ATXN2: variants seen among roughly 807,000 people sequenced by gnomAD.
ATXN2 encodes the protein ataxin-2.
A neutral mutation model predicts 138.6 loss-of-function variants in ATXN2; 37 were observed. The ratio of observed to expected loss-of-function variants is 0.27; its 90% CI spans 0.21 to 0.35. The LOEUF is 0.35. Among genes scored for constraint, ATXN2 ranks in the 10% least tolerant of loss-of-function variants. ATXN2 has a pLI of 1.00. For synonymous variants in ATXN2, 549 were observed against 543.7 expected (o/e 1.01, Z -0.13); for missense variants, 1,216 against 1,480.3 (o/e 0.82, Z 2.93).
At chr12:111,477,855 A>G (rs577027849) in intron 18 of ATXN2, among the ~76,000 whole-genome samples, 2 of 151,930 alleles carry the variant, frequency 1.3e-5, no homozygotes, top group East Asian at 1.9e-4. Context: ...TCACCCCTCC[A>G]TCGCCCTCCA....
At chr12:111,485,626 C>A (rs1475734516) in intron 17 of ATXN2, 87 bp downstream of exon 17, 9 of 1,502,272 alleles carry the variant, frequency 6.0e-6, no homozygotes, top group South Asian at 1.2e-5. Context: ...ACCATCACAC[C>A]CTCAAGTCAC....
intron 1 of ATXN2, among the ~76,000 whole-genome samples, chr12:111,572,542 TAG>T (rs1301181965): frequency 6.6e-6 from 1 of 152,090 alleles, no homozygotes; most frequent in African/African-American, 2.4e-5. Context: ...CCAACACAAG[TAG>T]AGTTGAAGTC....
At chr12:111,590,789 TC>T (rs1297608573) in intron 1 of ATXN2, among the ~76,000 whole-genome samples, 1 of 152,078 alleles carries the variant, frequency 6.6e-6, no homozygotes, top group African/African-American at 2.4e-5. Flanking sequence ...AGCATTAGGT[TC>T]TTATAGAAGC....
intron 18 of ATXN2, among the ~76,000 whole-genome samples, chr12:111,478,215 T>G (rs1335976872): frequency 1.3e-5 from 2 of 152,094 alleles, no homozygotes; most frequent in Non-Finnish European, 2.9e-5. Flanking sequence ...GAGACCAGCA[T>G]GACCAACATG....
At chr12:111,520,792 A>G in intron 7 of ATXN2, 90 bp downstream of exon 7, 1 of 708,116 alleles carries the variant, frequency 1.4e-6, no homozygotes, top group Non-Finnish European at 2.2e-6. Flanking sequence ...TGTTTAACTT[A>G]AAAACTAACA....
rs963008706 is a variant in ATXN2, at chr12:111,598,668, C to T, written c.251+116G>A. 1.9e-4 allele frequency: 164 copies of T among 882,406 alleles called. No homozygotes were observed. In the African/African-American group the frequency reaches 2.9e-3, roughly 16 times the overall value. 54.7% of individuals were successfully genotyped at this position (882,406 alleles called of 1,614,324 possible). A position where few individuals can be genotyped will look rare whatever the true frequency, so the allele number is the denominator to read the frequency against. On this transcript the variant is annotated intron_variant, in intron 1 of 24. Coordinates refer to ENST00000673436, the MANE Select transcript of ATXN2 (RefSeq NM_001372574.1). The surrounding 1 kb of genome is among the most constrained non-coding windows in gnomAD (Gnocchi z 4.5). ...CCCGAGCGAGTCTCCCCCGCGCTGC[C>T]GGCCCCCAGCCCACCCCGGGTAGCC...
chr12:111,507,526 C>G (rs7967698), intron 14 of ATXN2, among the ~76,000 whole-genome samples: 15,399 of 151,340 alleles, frequency 0.1, 2,627 homozygotes, highest in African/African-American at 0.35. Flanking sequence ...GCCGCCCCAT[C>G]CGGGAGGGAG....
chr12:111,508,583 A>AT (rs1423630875), intron 14 of ATXN2, among the ~76,000 whole-genome samples: 6 of 149,766 alleles, frequency 4.0e-5, no homozygotes, highest in Admixed American at 3.4e-4. Context: ...AGTAGCTGGG[A>AT]TTACAAGTGT....
At chr12:111,489,410 C>T (rs1193012438) in intron 14 of ATXN2, among the ~76,000 whole-genome samples, 1 of 151,852 alleles carries the variant, frequency 6.6e-6, no homozygotes, top group Non-Finnish European at 1.5e-5. Context: ...GTCAGGAGAT[C>T]GAGACCATCT....
intron 14 of ATXN2, among the ~76,000 whole-genome samples, chr12:111,503,776 G>C (rs1878938422): frequency 6.6e-6 from 1 of 151,936 alleles, no homozygotes; most frequent in African/African-American, 2.4e-5. Context: ...TTTTAATAAA[G>C]ATAGGGTTTC....
In ATXN2 at chr12:111,552,815, A is replaced by G. The variant is rs1188493275; in HGVS notation, c.420+91T>C. ...TCAGTATTTGAAACTGAGAAGTAAAATCATTCAAAGTGGCTTTAAAAACTA... is the reference window on the plus strand; with the variant it reads ...TCAGTATTTGAAACTGAGAAGTAAAGTCATTCAAAGTGGCTTTAAAAACTA... On this transcript the variant is annotated intron_variant, in intron 4 of 24. Transcript: ENST00000673436. The surrounding 1 kb of genome is among the most constrained non-coding windows in gnomAD (Gnocchi z 4.1). 5 of 843,790 alleles carry G rather than the reference A, an allele frequency of 5.9e-6. No homozygotes were observed. The highest frequency in any genetic ancestry group is 9.0e-6 in the Non-Finnish European group (5 of 555,596). 52.3% of individuals were successfully genotyped at this position (843,790 alleles called of 1,614,324 possible).
intron 1 of ATXN2, chr12:111,564,883 C>T (rs1011293843): frequency 1.3e-5 from 2 of 152,194 alleles, no homozygotes; most frequent in Non-Finnish European, 2.9e-5. Flanking sequence ...CTGCAACACT[C>T]CAGTACTTCT....
chr12:111,569,470 T>G (rs1883196108), intron 1 of ATXN2, among the ~76,000 whole-genome samples: 1 of 152,166 alleles, frequency 6.6e-6, no homozygotes, highest in African/African-American at 2.4e-5. Flanking sequence ...GGCCCACACC[T>G]GCAATCCCAG....
chr12:111,574,328 A>T (rs953206576), intron 1 of ATXN2, among the ~76,000 whole-genome samples: 1 of 151,454 alleles, frequency 6.6e-6, no homozygotes, highest in Admixed American at 6.6e-5. Context: ...AAAAAAAAAA[A>T]AAAAAGGTAT....
intron 1 of ATXN2, among the ~76,000 whole-genome samples, chr12:111,556,830 A>T (rs1882415789): frequency 6.6e-6 from 1 of 151,544 alleles, no homozygotes; most frequent in Non-Finnish European, 1.5e-5. Context: ...AAAAAAAAAG[A>T]AAGAAAAACA....
chr12:111,509,555 A>G lies in ATXN2; in HGVS notation c.1929T>C (p.Asp643=), dbSNP rs1256287466. The change falls in exon 14 of 25, where the codon GAT becomes GAC. Residue 643 remains aspartate (D), a synonymous_variant. Transcript: ENST00000673436. The part of the protein sequence containing the change: ...QIDDLKKFKN[D]FRLQPSSTSE... Reference sequence around the variant, plus strand: ...CAGTTAGTACAATACTTACCCTAAAATCATTCTTAAATTTCTTTAAATCAT... The same window carrying G: ...CAGTTAGTACAATACTTACCCTAAAGTCATTCTTAAATTTCTTTAAATCAT... 4 of 1,443,892 alleles carry G rather than the reference A, an allele frequency of 2.8e-6. No homozygotes were observed. The African/African-American group carries it at 5.6e-5, about 20-fold the overall frequency. The allele number at this position is 1,443,892 out of a possible 1,614,324, so 89.4% of individuals were successfully genotyped here.
chr12:111,467,268 G>A (rs1876091772), intron 20 of ATXN2, among the ~76,000 whole-genome samples: 1 of 136,922 alleles, frequency 7.3e-6, no homozygotes, highest in Non-Finnish European at 1.5e-5. Flanking sequence ...TCAGCTTCCT[G>A]TGTAGGTGGG....
chr12:111,533,870 T>G (rs577203387), intron 5 of ATXN2, among the ~76,000 whole-genome samples: 116 of 152,228 alleles, frequency 7.6e-4, no homozygotes, highest in African/African-American at 2.7e-3. Flanking sequence ...AATTCACAGC[T>G]GTGTAACCCA....
chr12:111,475,281 T>C (rs1260864856), intron 18 of ATXN2, among the ~76,000 whole-genome samples: 1 of 139,128 alleles, frequency 7.2e-6, no homozygotes, highest in African/African-American at 2.8e-5. Flanking sequence ...GAGGGGGAGG[T>C]TGCAGTGAGT....
Sources: allele counts gnomAD v4.1 joint callset (sites outside exome capture counted in the v4.1 genomes callset), GRCh38; gene constraint gnomAD v4.1.1; non-coding constraint Gnocchi (gnomAD v3.1); transcripts MANE v1.5; gene names NCBI Gene and HGNC (gene_info 2026-07-23, HGNC 2026-07-21).